Variants in LTBP1 observed in about 807,000 individuals in gnomAD.
LTBP1 encodes latent transforming growth factor beta binding protein 1.
In LTBP1, 129 loss-of-function variants were observed where a neutral mutation model predicts 207.6. The observed-to-expected ratio is 0.62, with a 90% CI of 0.54 to 0.72. The LOEUF is 0.72. LTBP1 is among the 30% of genes least tolerant of loss of function. LTBP1 has a pLI of 0.00. For missense variants in LTBP1, 2,281 were observed against 2,217.2 expected (o/e 1.03, Z -0.58); for synonymous variants, 963 against 833.7 (o/e 1.16, Z -2.67).
chr2:33,222,117 G>A lies in LTBP1; in HGVS notation c.1842G>A (p.Pro614=), dbSNP rs747779735. ...HGYNQMMECL[P]GYKRVNNTFC... is the part of the protein sequence containing the mutation. ...ACAACCAAATGATGGAATGCCTACC[G>A]GGTTATAAGCGGGTTAACAACACCT... The change falls in exon 9 of 34, where the codon CCG becomes CCA. Residue 614 remains proline, a synonymous_variant. Coordinates refer to ENST00000404816, the MANE Select transcript of LTBP1 (RefSeq NM_206943.4). The A allele has an allele frequency of 1.1e-5, 17 of 1,612,660 alleles. No homozygotes were observed. Among genetic ancestry groups the A allele is most frequent in the Admixed American group, 6.7e-5 (4 of 59,992 alleles).
At chr2:33,108,163 G>T (rs1323903217) in intron 3 of LTBP1, among the ~76,000 whole-genome samples, 1 of 152,030 alleles carries the variant, frequency 6.6e-6, no homozygotes, top group Non-Finnish European at 1.5e-5. Context: ...GATGAGTAAT[G>T]GGACAGTTTC....
chr2:32,949,373 C>A (rs1031679962), intron 2 of LTBP1, among the ~76,000 whole-genome samples: 11 of 152,196 alleles, frequency 7.2e-5, no homozygotes, highest in African/African-American at 2.7e-4. Flanking sequence ...AGTACAACAT[C>A]AAAGTTTTTA....
At chr2:33,281,426 A>G (rs958069700) in intron 19 of LTBP1, among the ~76,000 whole-genome samples, 3 of 152,226 alleles carry the variant, frequency 2.0e-5, no homozygotes, top group African/African-American at 7.2e-5. Flanking sequence ...AGGCCAGTGT[A>G]GCTGAAGGCC....
rs148972062 is a variant in LTBP1, at chr2:33,100,970, C to T, written c.864-9612C>T. The stretch of plus-strand genomic sequence containing the variant: ...CAGGACATTTGGGTTGTAGGTTCTG[C>T]CTTTTTGCTGTTATGAATAATGCTG... On this transcript the variant is annotated intron_variant, in intron 3 of 33. Coordinates refer to ENST00000404816, the MANE Select transcript of LTBP1 (RefSeq NM_206943.4). 1.4e-3 allele frequency among the ~76,000 whole-genome samples: 218 copies of T among 152,276 alleles called. 1 individual carries two copies. The highest frequency in any genetic ancestry group is 4.7e-3 in the African/African-American group (197 of 41,552).
intron 20 of LTBP1, among the ~76,000 whole-genome samples, chr2:33,297,751 A>G (rs1205352086): frequency 6.6e-6 from 1 of 151,746 alleles, no homozygotes; most frequent in African/African-American, 2.4e-5. Flanking sequence ...AACAAAACAA[A>G]ACAAAAACAA....
At chr2:33,055,772 A>G (rs1014261951) in intron 3 of LTBP1, among the ~76,000 whole-genome samples, 2 of 152,200 alleles carry the variant, frequency 1.3e-5, no homozygotes, top group Non-Finnish European at 2.9e-5. Context: ...TCAGAGCAGG[A>G]GAAGGGGACA....
rs1032567607 is a variant in LTBP1, at chr2:33,309,525, A to T, written c.3573A>T (p.Gly1191=). ...CCTATGATTGTACTTGTCCGGATGG[A>T]TTTCAGCTAGATGACAATAAAACAT... ...AGSYDCTCPD[G]FQLDDNKTCQ... The change falls in exon 23 of 34, where the codon GGA becomes GGT. Residue 1191 remains glycine, a synonymous_variant. Transcript: ENST00000404816. 3 of 1,609,524 alleles carry T rather than the reference A, an allele frequency of 1.9e-6. No homozygotes were observed. The highest frequency in any genetic ancestry group is 1.1e-5 in the South Asian group (1 of 89,872).
chr2:33,386,797 C>T (rs993793110), intron 31 of LTBP1, among the ~76,000 whole-genome samples: 5 of 150,318 alleles, frequency 3.3e-5, no homozygotes, highest in African/African-American at 1.2e-4. Flanking sequence ...GGTGCCACTG[C>T]ATTCCAGCAT....
intron 26 of LTBP1, among the ~76,000 whole-genome samples, chr2:33,359,821 T>C (rs1415380544): frequency 1.3e-5 from 2 of 152,364 alleles, no homozygotes; most frequent in African/African-American, 4.8e-5. Flanking sequence ...TCGTATCTGA[T>C]TGAATTCAAT....
chr2:33,047,845 A>G (rs2076524006), intron 3 of LTBP1, among the ~76,000 whole-genome samples: 1 of 152,094 alleles, frequency 6.6e-6, no homozygotes, highest in Non-Finnish European at 1.5e-5. Context: ...TTCTTGTTGC[A>G]TTGATCCCTT....
chr2:33,380,511 G>A (rs959906725), intron 31 of LTBP1, among the ~76,000 whole-genome samples: 1 of 152,020 alleles, frequency 6.6e-6, no homozygotes, highest in Non-Finnish European at 1.5e-5. Context: ...AGAGGCTGCT[G>A]TGAGCTGAGA....
At chr2:33,080,586 A>T (rs1020648361) in intron 3 of LTBP1, among the ~76,000 whole-genome samples, 2 of 152,194 alleles carry the variant, frequency 1.3e-5, no homozygotes, top group African/African-American at 4.8e-5. Context: ...TCTGTGAAAG[A>T]CTGTTCTATT....
intron 2 of LTBP1, among the ~76,000 whole-genome samples, chr2:32,994,340 C>T (rs1684906957): frequency 6.6e-6 from 1 of 152,114 alleles, no homozygotes; most frequent in Non-Finnish European, 1.5e-5. Context: ...GCTAATTTTA[C>T]AGATCAGGAA....
At chr2:33,313,228 T>C (rs1292188524) in intron 23 of LTBP1, among the ~76,000 whole-genome samples, 2 of 152,216 alleles carry the variant, frequency 1.3e-5, no homozygotes, top group East Asian at 1.9e-4. Context: ...GTTAAGAAAG[T>C]ATGAGTAATT....
At chr2:33,299,138 A>T (rs980367865) in intron 20 of LTBP1, among the ~76,000 whole-genome samples, 1 of 151,586 alleles carries the variant, frequency 6.6e-6, no homozygotes, top group African/African-American at 2.4e-5. Context: ...GCTGGGCGGG[A>T]GGCTGAGGCA....
chr2:33,093,345 C>T (rs1253635031), intron 3 of LTBP1, among the ~76,000 whole-genome samples: 1 of 152,104 alleles, frequency 6.6e-6, no homozygotes. Flanking sequence ...CCCTCCTATT[C>T]AGTGAGATAG....
At chr2:33,182,697 T>TACAC (rs1286844023) in intron 5 of LTBP1, among the ~76,000 whole-genome samples, 31 of 87,874 alleles carry the variant, frequency 3.5e-4, no homozygotes, top group African/African-American at 1.2e-3. Flanking sequence ...GATATATATA[T>TACAC]ATACACACAC....
intron 29 of LTBP1, 29 bp from the exon 30 acceptor site, chr2:33,364,187 C>A (rs1480737201): frequency 1.2e-6 from 2 of 1,609,588 alleles, no homozygotes; most frequent in Non-Finnish European, 1.7e-6. Context: ...GGCTGATTTT[C>A]TTTAGTAATA....
chr2:32,950,216 C>T (rs1331070433), intron 2 of LTBP1, among the ~76,000 whole-genome samples: 2 of 152,162 alleles, frequency 1.3e-5, no homozygotes, highest in African/African-American at 4.8e-5. Flanking sequence ...GATAACTCGT[C>T]TGTTAACAGC....
Sources: allele counts gnomAD v4.1 joint callset (sites outside exome capture counted in the v4.1 genomes callset), GRCh38; gene constraint gnomAD v4.1.1; transcripts MANE v1.5; gene names NCBI Gene and HGNC (gene_info 2026-07-23, HGNC 2026-07-21).